Variants in MAGI2 observed in about 807,000 individuals in gnomAD.
MAGI2 encodes membrane associated guanylate kinase, WW and PDZ domain containing 2.
MAGI2 carries 35 observed loss-of-function variants against 133.3 expected under a neutral mutation model. The ratio of observed to expected loss-of-function variants is 0.26; its 90% CI spans 0.20 to 0.35. The LOEUF (loss-of-function observed/expected upper bound fraction) is 0.35, where lower values mean the gene tolerates loss of function less well. MAGI2 is among the 10% of genes least tolerant of loss of function. The probability of loss-of-function intolerance (pLI) is 1.00; values close to 1 mark genes in which losing one functional copy is unlikely to be tolerated. For missense variants in MAGI2, 1,636 were observed against 1,863.4 expected (o/e 0.88, Z 2.25); for synonymous variants, 729 against 710.6 (o/e 1.03, Z -0.41).
intron 1 of MAGI2, among the ~76,000 whole-genome samples, chr7:79,112,167 G>A (rs2129543981): frequency 1.3e-5 from 2 of 151,790 alleles, no homozygotes; most frequent in South Asian, 2.1e-4. Context: ...GGGGCCTCAG[G>A]CATCACCTTC....
intron 4 of MAGI2, among the ~76,000 whole-genome samples, chr7:78,507,413 G>C (rs1416419447): frequency 2.6e-5 from 4 of 152,084 alleles, no homozygotes; most frequent in Admixed American, 2.0e-4. Context: ...AGAATATTTA[G>C]GGGAAGAAAA....
rs138507996 is a variant in MAGI2 at position 78,608,282 on chromosome 7, C to T, written c.538+18838G>A. Among the ~76,000 whole-genome samples the T allele has an allele frequency of 4.5e-3, 685 of 152,110 alleles. 2 individuals carry two copies. The highest frequency in any genetic ancestry group is 0.016 in the African/African-American group (644 of 41,510). On this transcript the variant is annotated intron_variant, in intron 3 of 21. Coordinates refer to ENST00000354212, the MANE Select transcript of MAGI2 (RefSeq NM_012301.4). ...ATCCTCTTCACAAACCCTTTCTCCC[C>T]ATTCACACTCTTCTACCCTTCCATG...
intron 2 of MAGI2, among the ~76,000 whole-genome samples, chr7:78,996,180 T>C (rs1413444415): frequency 6.6e-6 from 1 of 152,182 alleles, no homozygotes; most frequent in Non-Finnish European, 1.5e-5. Flanking sequence ...TCAGGTTTCC[T>C]ATAAATATGC....
intron 1 of MAGI2, among the ~76,000 whole-genome samples, chr7:79,291,361 T>A (rs1288113703): frequency 6.6e-6 from 1 of 152,188 alleles, no homozygotes. Context: ...TTATGAATCA[T>A]GCTTTCATAA....
chr7:78,047,355 T>A (rs765950968), intron 21 of MAGI2, among the ~76,000 whole-genome samples: 1 of 152,222 alleles, frequency 6.6e-6, no homozygotes, highest in Non-Finnish European at 1.5e-5. Flanking sequence ...AATCATCTCC[T>A]GGTGAGCCTG....
At chr7:78,691,741 T>A (rs554813209) in intron 2 of MAGI2, among the ~76,000 whole-genome samples, 1 of 152,162 alleles carries the variant, frequency 6.6e-6, no homozygotes, top group African/African-American at 2.4e-5. Context: ...GGTTGCCAGG[T>A]GTTAGCAGGG....
Position 79,197,730 on chromosome 7 carries a change from G to T in MAGI2, c.302-190524C>A, listed in dbSNP as rs933941253. 3.6e-4 allele frequency among the ~76,000 whole-genome samples: 54 copies of T among 151,922 alleles called. 1 individual carries two copies. Among genetic ancestry groups the T allele is most frequent in the African/African-American group, 1.1e-3 (45 of 41,258 alleles). On this transcript the variant is annotated intron_variant, in intron 1 of 21. Transcript: ENST00000354212. The stretch of plus-strand genomic sequence containing the variant: ...GGAGGCTGGGAAGTCCAAGGTGAAG[G>T]CTGTACCGACTCCATGTCTGGTAAG...
chr7:78,415,433 T>C (rs1798210424), intron 6 of MAGI2, among the ~76,000 whole-genome samples: 3 of 152,122 alleles, frequency 2.0e-5, no homozygotes, highest in Admixed American at 2.0e-4. Flanking sequence ...ATACATAATA[T>C]ACTAAATAGA....
chr7:79,378,926 G>GTGTATATA (rs1158436636), intron 1 of MAGI2, among the ~76,000 whole-genome samples: 74 of 94,496 alleles, frequency 7.8e-4, no homozygotes, highest in African/African-American at 2.0e-3. Context: ...ATGTGTGTGT[G>GTGTATATA]TATATATATA....
intron 2 of MAGI2, among the ~76,000 whole-genome samples, chr7:78,838,052 T>C (rs909058966): frequency 1.3e-5 from 2 of 152,128 alleles, no homozygotes; most frequent in Non-Finnish European, 2.9e-5. Flanking sequence ...TCCTCATGCA[T>C]CTTTAATGCA....
intron 9 of MAGI2, among the ~76,000 whole-genome samples, chr7:78,259,264 T>C (rs1793292844): frequency 6.6e-6 from 1 of 152,128 alleles, no homozygotes; most frequent in South Asian, 2.1e-4. Flanking sequence ...TCTTCTTAGG[T>C]TCAGGAGGCT....
chr7:78,343,802 C>T lies in MAGI2; in HGVS notation c.1384G>A (p.Ala462Thr). 6.2e-7 allele frequency: 1 copy of T among 1,604,200 alleles called. No homozygotes were observed. Among genetic ancestry groups the T allele is most frequent in the South Asian group, 1.1e-5 (1 of 89,282 alleles). The change falls in exon 9 of 22, where the codon GCA becomes ACA. Residue 462 changes from alanine (A) to threonine (T), a missense_variant. Ala to Thr is a moderately conservative substitution (Grantham distance 58). Coordinates refer to ENST00000354212, the MANE Select transcript of MAGI2 (RefSeq NM_012301.4). The part of the protein sequence containing the change: ...VKSVIPDGPA[A>T]QDGKMETGDV... Reference sequence around the variant, plus strand: ...CCTGTTTCCATTTTTCCATCCTGTGCTGCAGGCCCATCCGGAATCACACTT... The same window carrying T: ...CCTGTTTCCATTTTTCCATCCTGTGTTGCAGGCCCATCCGGAATCACACTT...
chr7:78,034,620 C>T (rs763396366), intron 21 of MAGI2, among the ~76,000 whole-genome samples: 4 of 152,098 alleles, frequency 2.6e-5, no homozygotes, highest in East Asian at 1.9e-4. Flanking sequence ...CTCTGCCTCC[C>T]GGGTTCAAGC....
intron 1 of MAGI2, among the ~76,000 whole-genome samples, chr7:79,403,323 C>T (rs895470025): frequency 2.0e-4 from 30 of 151,910 alleles, no homozygotes; most frequent in African/African-American, 7.0e-4. Flanking sequence ...ATGTTTTCTT[C>T]GTATTTAGTG....
intron 2 of MAGI2, among the ~76,000 whole-genome samples, chr7:78,664,370 T>C (rs749981380): frequency 2.0e-4 from 31 of 152,264 alleles, no homozygotes; most frequent in East Asian, 1.5e-3. Flanking sequence ...GGAAGTGTAA[T>C]GTTGGTGTAG....
intron 1 of MAGI2, among the ~76,000 whole-genome samples, chr7:79,393,218 G>A (rs2129153598): frequency 6.6e-6 from 1 of 152,240 alleles, no homozygotes; most frequent in South Asian, 2.1e-4. Flanking sequence ...TTAAATGGTA[G>A]TATCCTATAA....
chr7:79,036,014 G>A (rs1368332647), intron 1 of MAGI2, among the ~76,000 whole-genome samples: 6 of 152,120 alleles, frequency 3.9e-5, no homozygotes, highest in Admixed American at 1.3e-4. Context: ...ACAGATATGC[G>A]CAAAGCACTC....
intron 11 of MAGI2, among the ~76,000 whole-genome samples, chr7:78,196,434 TA>T (rs985582496): frequency 3.3e-5 from 5 of 152,026 alleles, no homozygotes; most frequent in East Asian, 1.9e-4. Context: ...TATGGCCACT[TA>T]AAAAAAACAG....
intron 1 of MAGI2, among the ~76,000 whole-genome samples, chr7:79,260,932 T>G (rs2129556391): frequency 6.6e-6 from 1 of 152,326 alleles, no homozygotes; most frequent in Non-Finnish European, 1.5e-5. Context: ...TTCACTATAC[T>G]AGGCCTTACT....
Sources: allele counts gnomAD v4.1 joint callset (sites outside exome capture counted in the v4.1 genomes callset), GRCh38; gene constraint gnomAD v4.1.1; transcripts MANE v1.5; gene names NCBI Gene and HGNC (gene_info 2026-07-23, HGNC 2026-07-21).